The following ADGRD1 variants were observed in gnomAD, a reference collection of about 807,000 sequenced individuals.
ADGRD1 encodes G-protein coupled receptor 133.
A neutral mutation model predicts 113.4 loss-of-function variants in ADGRD1; 77 were observed. The ratio of observed to expected loss-of-function variants is 0.68; its 90% CI spans 0.57 to 0.82. ADGRD1 has a LOEUF of 0.82. Ranked by LOEUF, ADGRD1 falls within the 40% of genes least tolerant of loss-of-function variation. The pLI, the probability that ADGRD1 is intolerant of heterozygous loss-of-function variation, is 0.00. For synonymous variants in ADGRD1, 474 were observed against 475.0 expected (o/e 1.00, Z 0.03); for missense variants, 1,036 against 1,139.1 (o/e 0.91, Z 1.30).
intron 4 of ADGRD1, among the ~76,000 whole-genome samples, chr12:130,979,258 C>T (rs1872680237): frequency 6.6e-6 from 1 of 152,204 alleles, no homozygotes; most frequent in African/African-American, 2.4e-5. Context: ...TCTCAGAGGT[C>T]CAGAAAGGTC....
chr12:130,996,683 C>T (rs1214564673), intron 8 of ADGRD1, among the ~76,000 whole-genome samples: 85 of 81,304 alleles, frequency 1.0e-3, no homozygotes, highest in Non-Finnish European at 1.2e-3. Flanking sequence ...CCCTCCCAGA[C>T]GGGGCGGCTG....
chr12:131,029,441 T>C (rs1414743147), intron 13 of ADGRD1, among the ~76,000 whole-genome samples: 1 of 152,254 alleles, frequency 6.6e-6, no homozygotes, highest in Admixed American at 6.5e-5. Flanking sequence ...GAAAGGTCCC[T>C]TTTGCCATGT....
rs1209028937 is a variant in ADGRD1, at chr12:130,966,241, C to T, written c.104-222C>T. 6.6e-6 allele frequency among the ~76,000 whole-genome samples: 1 copy of T among 152,034 alleles called. No individual in the cohort carries two copies. Among genetic ancestry groups the T allele is most frequent in the African/African-American group, 2.4e-5 (1 of 41,388 alleles). ...ACAAGAGGCATCTATTCCTATTTAC[C>T]CTGTTTTGTCCAGTTAAGGAACTAT... On this transcript the variant is annotated intron_variant, in intron 2 of 24. Transcript: ENST00000261654. This position sits in a 1 kb window ranked among gnomAD's most constrained non-coding sequence, Gnocchi z 4.6.
At position 131,075,243 on chromosome 12, in the gene ADGRD1, T is replaced by A. The variant is rs1468822626; in HGVS notation, c.1474-1558T>A. ...TGGAGGCTTTGGCCCTGGTGTAGCC[T>A]GGGCCCAAGGAAGCCTCATTACACC... is the stretch of plus-strand genomic sequence containing the variant. On this transcript the variant is annotated intron_variant, in intron 13 of 24. Transcript: ENST00000261654. This position sits in a 1 kb window ranked among gnomAD's most constrained non-coding sequence, Gnocchi z 5.3. Among the ~76,000 whole-genome samples the A allele has an allele frequency of 6.6e-6, 1 of 152,218 alleles. No homozygotes were observed. The highest frequency in any genetic ancestry group is 1.5e-5 in the Non-Finnish European group (1 of 68,042).
chr12:130,987,438 G>A, intron 6 of ADGRD1, 89 bp downstream of exon 6: 1 of 1,470,246 alleles, frequency 6.8e-7, no homozygotes, highest in Non-Finnish European at 9.3e-7. Flanking sequence ...CTCTCCCGTT[G>A]CAGCTATCAG....
intron 13 of ADGRD1, among the ~76,000 whole-genome samples, chr12:131,046,563 C>G (rs1882821759): frequency 7.7e-6 from 1 of 129,562 alleles, no homozygotes; most frequent in African/African-American, 3.3e-5. Context: ...TGGCCAGTGT[C>G]CTCCCTGGTG....
intron 18 of ADGRD1, among the ~76,000 whole-genome samples, chr12:131,110,104 T>C (rs1051419625): frequency 6.6e-6 from 1 of 150,650 alleles, no homozygotes; most frequent in African/African-American, 2.4e-5. Context: ...ACCTAAGGTA[T>C]ATCTCCTGTA....
rs1869238352 is a variant in ADGRD1, at chr12:130,954,238, C to G, written c.-228C>G. 1 of 465,232 alleles carries G rather than the reference C, an allele frequency of 2.1e-6. No individual in the cohort carries two copies. The highest frequency in any genetic ancestry group is 3.7e-6 in the Non-Finnish European group (1 of 267,404). 28.8% of individuals were successfully genotyped at this position (465,232 alleles called of 1,614,324 possible). On this transcript the variant is annotated 5_prime_UTR_variant, in exon 1 of 25. It adds an upstream start codon to the 5' untranslated region. Coordinates refer to ENST00000261654, the MANE Select transcript of ADGRD1 (RefSeq NM_198827.5). This position sits in a 1 kb window ranked among gnomAD's most constrained non-coding sequence, Gnocchi z 4.7. ...TGCATTCCACAGCTGCTCTGGTCATCGCAACGTGTTTATTGATCACTGAAG... is the reference window on the plus strand; with the variant it reads ...TGCATTCCACAGCTGCTCTGGTCATGGCAACGTGTTTATTGATCACTGAAG...
intron 8 of ADGRD1, among the ~76,000 whole-genome samples, chr12:130,994,922 C>T (rs1177087106): frequency 1.3e-5 from 2 of 152,200 alleles, no homozygotes; most frequent in Non-Finnish European, 2.9e-5. Context: ...GGTCACTCCT[C>T]AGAACCTTCT....
At chr12:131,007,222 A>G (rs1193730720) in intron 12 of ADGRD1, among the ~76,000 whole-genome samples, 2 of 152,242 alleles carry the variant, frequency 1.3e-5, no homozygotes, top group African/African-American at 4.8e-5. Flanking sequence ...ATCTGACTCC[A>G]GCCAGGTGTC....
chr12:131,092,800 C>T (rs913890385), intron 15 of ADGRD1, among the ~76,000 whole-genome samples: 1 of 152,188 alleles, frequency 6.6e-6, no homozygotes, highest in Non-Finnish European at 1.5e-5. Flanking sequence ...CTGGGCTTCT[C>T]CTAGCCCACA....
chr12:131,034,748 C>T (rs959861478), intron 13 of ADGRD1, among the ~76,000 whole-genome samples: 1 of 152,110 alleles, frequency 6.6e-6, no homozygotes, highest in African/African-American at 2.4e-5. Flanking sequence ...GCCATGTGTC[C>T]CCCAGCTCTG....
rs1951190872 is a variant in ADGRD1, at chr12:131,139,358, C to G, written c.*95C>G. 1.2e-6 allele frequency: 1 copy of G among 840,048 alleles called. No individual in the cohort carries two copies. Among genetic ancestry groups the G allele is most frequent in the Non-Finnish European group, 1.9e-6 (1 of 521,258 alleles). 52.0% of individuals were successfully genotyped at this position (840,048 alleles called of 1,614,324 possible). On this transcript the variant is annotated 3_prime_UTR_variant, in exon 25 of 25. Transcript: ENST00000261654. The stretch of plus-strand genomic sequence containing the variant: ...CCTTTGCCCATGGACCCTCTCCTTG[C>G]TGCTGTCTGGACATGGGTGTTGTGG...
At chr12:131,110,974 C>T (rs544223665) in intron 18 of ADGRD1, among the ~76,000 whole-genome samples, 204 of 152,288 alleles carry the variant, frequency 1.3e-3, no homozygotes, top group African/African-American at 4.8e-3. Flanking sequence ...TAAGTCAAAA[C>T]TTAATCTTAC....
At chr12:131,063,605 C>T (rs750777450) in intron 13 of ADGRD1, among the ~76,000 whole-genome samples, 7 of 152,166 alleles carry the variant, frequency 4.6e-5, no homozygotes, top group Non-Finnish European at 1.0e-4. Flanking sequence ...CCCAGGTTCT[C>T]GGCTCTGTCT....
At chr12:130,993,105 C>G (rs1225786420) in intron 8 of ADGRD1, among the ~76,000 whole-genome samples, 1 of 152,146 alleles carries the variant, frequency 6.6e-6, no homozygotes. Flanking sequence ...GACCTAACAT[C>G]TCTGCCTCAC....
At chr12:130,975,916 C>A (rs980728912) in intron 4 of ADGRD1, among the ~76,000 whole-genome samples, 2 of 152,186 alleles carry the variant, frequency 1.3e-5, no homozygotes, top group Non-Finnish European at 2.9e-5. Flanking sequence ...AAGGCAGCCT[C>A]CCCGATTAGC....
intron 14 of ADGRD1, among the ~76,000 whole-genome samples, chr12:131,079,093 G>C (rs1279629972): frequency 6.6e-6 from 1 of 152,140 alleles, no homozygotes; most frequent in East Asian, 1.9e-4. Flanking sequence ...TGCATAGATG[G>C]AATCATGGCG....
chr12:131,036,071 C>G (rs563107020), intron 13 of ADGRD1, among the ~76,000 whole-genome samples: 3 of 152,188 alleles, frequency 2.0e-5, no homozygotes, highest in Non-Finnish European at 2.9e-5. Context: ...TTTGGTGAGG[C>G]TGCTCCTGTT....
Sources: gnomAD v4.1 joint callset for allele counts (sites outside exome capture counted in the v4.1 genomes callset) on GRCh38, gnomAD v4.1.1 for gene constraint, Gnocchi (gnomAD v3.1) non-coding constraint, MANE v1.5 for transcripts, NCBI Gene and HGNC (gene_info 2026-07-23, HGNC 2026-07-21) for gene names.